Variants in GPSM2 observed in about 807,000 individuals in gnomAD.
The protein encoded by GPSM2 is G protein signaling modulator 2, also known as G protein-signaling modulator 2.
Under a neutral mutation model 78.4 loss-of-function variants are expected in GPSM2, and 58 were observed. The ratio of observed to expected loss-of-function variants is 0.74; its 90% CI spans 0.60 to 0.92. The LOEUF (loss-of-function observed/expected upper bound fraction) is 0.92, where lower values mean the gene tolerates loss of function less well. Among genes scored for constraint, GPSM2 ranks in the 40% least tolerant of loss-of-function variants. GPSM2 has a pLI of 0.00. For synonymous variants in GPSM2, 224 were observed against 280.2 expected, an observed-to-expected ratio of 0.80 and a Z score of 2.00; for missense variants, 700 against 815.5, an observed-to-expected ratio of 0.86 and a Z score of 1.73.
At chr1:108,917,557 C>T (rs1488603837) in intron 11 of GPSM2, among the ~76,000 whole-genome samples, 1 of 131,282 alleles carries the variant, frequency 7.6e-6, no homozygotes, top group Non-Finnish European at 1.6e-5. Flanking sequence ...CAGAGTGAGA[C>T]TCCGTCTCAA....
Position 108,933,190 on chromosome 1 carries a change from G to C in GPSM2, c.*3250G>C, listed in dbSNP as rs1652312074. The C allele has an allele frequency of 1.3e-5, 1 of 74,874 alleles. No individual in the cohort carries two copies. The highest frequency in any genetic ancestry group is 2.7e-5 in the Non-Finnish European group (1 of 37,428). 4.6% of individuals were successfully genotyped at this position (74,874 alleles called of 1,614,324 possible). A position where few individuals can be genotyped will look rare whatever the true frequency, so the allele number is the denominator to read the frequency against. On this transcript the variant is annotated 3_prime_UTR_variant, in exon 15 of 15. Coordinates refer to ENST00000264126, the MANE Select transcript of GPSM2 (RefSeq NM_013296.5). Reference sequence around the variant, plus strand: ...TACAGGCACGTAAGTAACACTTCCTGGATCCAAAAATGTGTATTCTGCATT... The same window carrying C: ...TACAGGCACGTAAGTAACACTTCCTCGATCCAAAAATGTGTATTCTGCATT...
At chr1:108,899,448 T>C (rs983417835) in intron 7 of GPSM2, among the ~76,000 whole-genome samples, 13 of 152,206 alleles carry the variant, frequency 8.5e-5, no homozygotes, top group Non-Finnish European at 1.6e-4. Context: ...CAGTGATCAC[T>C]GAATTTTTTT....
chr1:108,922,649 G>A (rs1650809703), intron 13 of GPSM2, 73 bp downstream of exon 13: 8 of 1,180,042 alleles, frequency 6.8e-6, no homozygotes, highest in Non-Finnish European at 1.0e-5. Context: ...TCTGAGAATT[G>A]AATTCCCATC....
At chr1:108,905,576 G>A (rs771126129) in intron 10 of GPSM2, among the ~76,000 whole-genome samples, 25 of 151,954 alleles carry the variant, frequency 1.6e-4, no homozygotes, top group Admixed American at 1.5e-3. Context: ...TGCCACTCTC[G>A]TCTTTATTCT....
At chr1:108,879,238 G>A (rs989702032) in intron 1 of GPSM2, among the ~76,000 whole-genome samples, 1 of 152,174 alleles carries the variant, frequency 6.6e-6, no homozygotes, top group Admixed American at 6.5e-5. Flanking sequence ...GAGAAGAAAT[G>A]TATTACAGTC....
chr1:108,922,741 T>C (rs900298034), intron 13 of GPSM2, among the ~76,000 whole-genome samples, 165 bp downstream of exon 13: 4 of 152,214 alleles, frequency 2.6e-5, no homozygotes, highest in African/African-American at 9.6e-5. Context: ...GTTTTTTCAG[T>C]TCCCTTACGT....
intron 3 of GPSM2, 94 bp downstream of exon 3, chr1:108,897,179 C>A: frequency 3.2e-6 from 3 of 929,484 alleles, no homozygotes; most frequent in Non-Finnish European, 5.1e-6. Context: ...TAACTTAATA[C>A]ATTTAATGAG....
rs1652482412 is a variant in GPSM2 at position 108,934,162 on chromosome 1, G to A, written c.*4222G>A. The A allele has an allele frequency of 6.5e-6, 1 of 153,684 alleles. No homozygotes were observed. The highest frequency in any genetic ancestry group is 2.0e-4 in the South Asian group (1 of 4,918). 9.5% of individuals were successfully genotyped at this position (153,684 alleles called of 1,614,324 possible). On this transcript the variant is annotated 3_prime_UTR_variant, in exon 15 of 15. Coordinates refer to ENST00000264126, the MANE Select transcript of GPSM2 (RefSeq NM_013296.5). Reference sequence around the variant, plus strand: ...TGGAAAAGATGAAACTACAGCCACAGTGACCTGTGGGCAGCCTGCGTAGAG... The same window carrying A: ...TGGAAAAGATGAAACTACAGCCACAATGACCTGTGGGCAGCCTGCGTAGAG...
intron 14 of GPSM2, chr1:108,929,471 A>G: frequency 1.8e-6 from 1 of 561,318 alleles, no homozygotes; most frequent in African/African-American, 1.9e-5. Context: ...AGCTATACCT[A>G]TATAAGCCAT....
chr1:108,907,294 T>A (rs1217924414), intron 10 of GPSM2, among the ~76,000 whole-genome samples: 1 of 152,212 alleles, frequency 6.6e-6, no homozygotes, highest in Non-Finnish European at 1.5e-5. Flanking sequence ...CCCTACATAC[T>A]GGTTTGGAAT....
chr1:108,888,452 A>G (rs1157295113), intron 2 of GPSM2, among the ~76,000 whole-genome samples: 9 of 151,930 alleles, frequency 5.9e-5, no homozygotes, highest in Non-Finnish European at 1.3e-4. Flanking sequence ...GGCTCAAGCA[A>G]TCCTCCCACC....
chr1:108,897,209 CT>C, intron 3 of GPSM2, 124 bp downstream of exon 3: 1 of 771,024 alleles, frequency 1.3e-6, no homozygotes, highest in South Asian at 1.6e-5. Flanking sequence ...AGTAACATCG[CT>C]TTTCAAAACT....
At chr1:108,900,628 A>G (rs568738034) in intron 7 of GPSM2, among the ~76,000 whole-genome samples, 1 of 152,364 alleles carries the variant, frequency 6.6e-6, no homozygotes, top group African/African-American at 2.4e-5. Context: ...AACCTATGTT[A>G]GTAATTGAAT....
intron 14 of GPSM2, chr1:108,924,489 A>G: frequency 2.2e-6 from 1 of 464,310 alleles, no homozygotes; most frequent in South Asian, 2.1e-5. Context: ...GTATTAGGTA[A>G]TTATGCTTGC....
intron 2 of GPSM2, among the ~76,000 whole-genome samples, chr1:108,890,308 T>A (rs933860816): frequency 2.6e-5 from 4 of 152,246 alleles, no homozygotes; most frequent in Admixed American, 6.5e-5. Context: ...ATGAACGTAA[T>A]AAGATGTTTA....
chr1:108,904,013 A>G lies in GPSM2; in HGVS notation c.1063-112A>G. On this transcript the variant is annotated intron_variant, in intron 9 of 14. Coordinates refer to ENST00000264126, the MANE Select transcript of GPSM2 (RefSeq NM_013296.5). ...ATAGTCTCATAATTCTAATATAACT[A>G]TTTTCATTTCTCTATATTTTCTTCT... The G allele has an allele frequency of 3.9e-6, 3 of 760,132 alleles. No homozygotes were observed. The South Asian group carries it at 4.7e-5, about 12-fold the overall frequency. The allele number at this position is 760,132 out of a possible 1,614,324, so 47.1% of individuals were successfully genotyped here.
In GPSM2 at chr1:108,914,389, T is replaced by G. The variant is rs150152015; in HGVS notation, c.1244T>G (p.Met415Arg). 6.2e-7 allele frequency: 1 copy of G among 1,610,792 alleles called. No individual in the cohort carries two copies. Among genetic ancestry groups the G allele is most frequent in the South Asian group, 1.1e-5 (1 of 90,904 alleles). The stretch of plus-strand genomic sequence containing the variant: ...CATAGTATGGAAAATATGGAACTTA[T>G]GAAGTTAACACCAGAAAAGGTGGGT... ...RRHSMENMEL[M>R]KLTPEKVQNW... Residue 415 changes from methionine to arginine, a missense_variant, in exon 11 of 15, where the codon ATG becomes AGG. Met to Arg is a moderately conservative substitution (Grantham distance 91). Transcript: ENST00000264126.
At chr1:108,920,762 G>A (rs1476043219) in intron 12 of GPSM2, among the ~76,000 whole-genome samples, 1 of 152,122 alleles carries the variant, frequency 6.6e-6, no homozygotes, top group Non-Finnish European at 1.5e-5. Context: ...TCTAGAGCAG[G>A]ACTGGAATTC....
At chr1:108,885,965 C>CT (rs1647512702) in intron 2 of GPSM2, among the ~76,000 whole-genome samples, 1 of 152,016 alleles carries the variant, frequency 6.6e-6, no homozygotes, top group Non-Finnish European at 1.5e-5. Context: ...TAGACATGAA[C>CT]TTTTTATTTT....
Sources: gnomAD v4.1 joint callset for allele counts (sites outside exome capture counted in the v4.1 genomes callset) on GRCh38, gnomAD v4.1.1 for gene constraint, MANE v1.5 for transcripts, NCBI Gene and HGNC (gene_info 2026-07-23, HGNC 2026-07-21) for gene names.